The following LARP4 variants were observed in gnomAD, a reference collection of about 807,000 sequenced individuals.
LARP4 encodes the protein La ribonucleoprotein 4.
Under a neutral mutation model 92.9 loss-of-function variants are expected in LARP4, and 29 were observed. The ratio of observed to expected loss-of-function variants is 0.31; its 90% CI spans 0.23 to 0.43. The LOEUF is 0.43. Ranked by LOEUF, LARP4 falls within the 20% of genes least tolerant of loss-of-function variation. LARP4 has a pLI of 1.00. For missense variants in LARP4, 732 were observed against 860.0 expected (o/e 0.85, Z 1.86); for synonymous variants, 279 against 284.1 (o/e 0.98, Z 0.18).
chr12:50,418,389 G>A (rs971070171), intron 1 of LARP4, among the ~76,000 whole-genome samples: 1 of 152,164 alleles, frequency 6.6e-6, no homozygotes, highest in African/African-American at 2.4e-5. Flanking sequence ...TACCATAATT[G>A]TCTCAATTTT....
At position 50,427,870 on chromosome 12, in the gene LARP4, T is replaced by C. The variant is rs1322986534; in HGVS notation, c.127T>C (p.Trp43Arg). The C allele has an allele frequency of 3.1e-5, 49 of 1,601,274 alleles. No homozygotes were observed. Among genetic ancestry groups the C allele is most frequent in the Non-Finnish European group, 4.2e-5 (49 of 1,171,334 alleles). The change falls in exon 2 of 16, where the codon TGG (tryptophan) becomes CGG (arginine). Residue 43 changes from tryptophan (W) to arginine (R), a missense_variant. Physicochemically the swap from Trp to Arg is moderately radical, Grantham distance 101. This residue lies in a region of LARP4 where 236 missense variants were observed against 307.6 expected (regional missense o/e 0.77). Coordinates refer to ENST00000398473, the MANE Select transcript of LARP4 (RefSeq NM_052879.5). ...TPVTHGTESS[W>R]HEIAATSGAH... is the part of the protein sequence containing the mutation. The stretch of plus-strand genomic sequence containing the variant: ...AGTAACTCATGGAACTGAAAGCTCT[T>C]GGCATGAAATAGCAGCTACATCAGG...
rs1044365014 is a variant in LARP4, at chr12:50,478,864, A to C, written c.*3000A>C. On this transcript the variant is annotated 3_prime_UTR_variant, in exon 16 of 16. Coordinates refer to ENST00000398473, the MANE Select transcript of LARP4 (RefSeq NM_052879.5). The stretch of plus-strand genomic sequence containing the variant: ...AATTTTTTTCAGCTGGGTTTTGAGG[A>C]ATATAAGAGCTTTCAATGATAAAGG... 7 of 152,280 alleles carry C rather than the reference A, an allele frequency of 4.6e-5. No individual in the cohort carries two copies. The highest frequency in any genetic ancestry group is 3.9e-4 in the East Asian group (2 of 5,190). The allele number at this position is 152,280 out of a possible 1,614,324, so 9.4% of individuals were successfully genotyped here. A position where few individuals can be genotyped will look rare whatever the true frequency, so the allele number is the denominator to read the frequency against.
chr12:50,455,840 A>T (rs1196971684), intron 10 of LARP4, among the ~76,000 whole-genome samples: 1 of 152,164 alleles, frequency 6.6e-6, no homozygotes, highest in Non-Finnish European at 1.5e-5. Context: ...TGAGCTCAGG[A>T]GTTCAAGAGC....
At chr12:50,415,895 T>C (rs1235462396) in intron 1 of LARP4, 1 of 151,832 alleles carries the variant, frequency 6.6e-6, no homozygotes, top group Non-Finnish European at 1.5e-5. Context: ...TTGGTAGTGA[T>C]GGAGTTTTGC....
Position 50,474,294 on chromosome 12 carries a change from A to G in LARP4, c.1836+127A>G, listed in dbSNP as rs2139201213. The G allele has an allele frequency of 8.7e-6, 6 of 691,468 alleles. No individual in the cohort carries two copies. In the East Asian group the frequency reaches 1.6e-4, roughly 19 times the overall value. The allele number at this position is 691,468 out of a possible 1,614,324, so 42.8% of individuals were successfully genotyped here. ...GCCCAAGTTGGGGCTGACTATCAGA[A>G]AGAAGCTTAAGGAGTGTTAGGGTCA... On this transcript the variant is annotated intron_variant, in intron 15 of 15. Coordinates refer to ENST00000398473, the MANE Select transcript of LARP4 (RefSeq NM_052879.5).
intron 6 of LARP4, 124 bp downstream of exon 6, chr12:50,437,962 TTCA>T (rs1950676822): frequency 3.5e-6 from 2 of 565,484 alleles, no homozygotes; most frequent in Admixed American, 3.0e-5. Flanking sequence ...AGTCAGTGCC[TTCA>T]TCAGTTACTG....
At chr12:50,449,277 GT>G (rs915184396) in intron 8 of LARP4, among the ~76,000 whole-genome samples, 1 of 151,992 alleles carries the variant, frequency 6.6e-6, no homozygotes, top group African/African-American at 2.4e-5. Context: ...AAAATCTGTA[GT>G]TTTTTCCTAT....
chr12:50,422,823 T>G (rs1447399802), intron 1 of LARP4, among the ~76,000 whole-genome samples: 1 of 146,698 alleles, frequency 6.8e-6, no homozygotes, highest in Non-Finnish European at 1.5e-5. Flanking sequence ...ATTATTATTA[T>G]TATTATTATT....
At chr12:50,418,920 C>T (rs147598291) in intron 1 of LARP4, among the ~76,000 whole-genome samples, 83 of 152,158 alleles carry the variant, frequency 5.5e-4, no homozygotes, top group African/African-American at 1.9e-3. Context: ...GGTGGTCTTC[C>T]TATGTTGCCA....
rs762786792 is a variant in LARP4, at chr12:50,428,995, G to C, written c.227G>C (p.Cys76Ser). 9 of 1,609,674 alleles carry C rather than the reference G, an allele frequency of 5.6e-6. No homozygotes were observed. The highest frequency in any genetic ancestry group is 7.6e-6 in the Non-Finnish European group (9 of 1,176,828). Residue 76 changes from cysteine to serine, a missense_variant, in exon 3 of 16, where the codon TGT becomes TCT. Coordinates refer to ENST00000398473, the MANE Select transcript of LARP4 (RefSeq NM_052879.5). ...KEYEVMYSSS[C>S]ETTRNTTGIE... ...TATGAAGTAATGTATTCTTCATCTT[G>C]TGAAACCACAAGAAATACTACAGGC...
At chr12:50,440,282 A>G (rs1176026270) in intron 6 of LARP4, among the ~76,000 whole-genome samples, 157 bp from the exon 7 acceptor site, 1 of 152,200 alleles carries the variant, frequency 6.6e-6, no homozygotes, top group Non-Finnish European at 1.5e-5. Flanking sequence ...TTTGTTTTGA[A>G]ACAGCCCATC....
chr12:50,459,558 G>T (rs1046771029), intron 10 of LARP4, among the ~76,000 whole-genome samples: 1 of 151,996 alleles, frequency 6.6e-6, no homozygotes, highest in African/African-American at 2.4e-5. Context: ...GGGCCTGGTG[G>T]CTCACACCTG....
At chr12:50,458,620 T>C (rs1034300567) in intron 10 of LARP4, among the ~76,000 whole-genome samples, 1 of 152,212 alleles carries the variant, frequency 6.6e-6, no homozygotes, top group Non-Finnish European at 1.5e-5. Context: ...GAAAATAGAT[T>C]ACAAAAACTG....
chr12:50,461,077 AAG>A, intron 10 of LARP4, 56 bp from the exon 11 acceptor site: 1 of 1,429,974 alleles, frequency 7.0e-7, no homozygotes, highest in East Asian at 2.3e-5. Context: ...TACCTAAGGA[AAG>A]ATGTTTTTCT....
rs372217208 is a variant in LARP4 at position 50,462,601 on chromosome 12, C to G, written c.1354C>G (p.Arg452Gly). The change falls in exon 12 of 16, where the codon CGA (arginine) becomes GGA (glycine). Residue 452 changes from arginine (R) to glycine (G), a missense_variant. Arg to Gly is a moderately radical substitution (Grantham distance 125, BLOSUM62 -2). Transcript: ENST00000398473. The part of the protein sequence containing the change: ...GRGRRTLFRG[R>G]RRREDDRISR... ...TAAAAGGAGAACTCTCTTCAGAGGTCGAAGACGACGAGAAGATGACAGGAT... is the reference window on the plus strand; with the variant it reads ...TAAAAGGAGAACTCTCTTCAGAGGTGGAAGACGACGAGAAGATGACAGGAT... The G allele has an allele frequency of 4.6e-6, 6 of 1,296,388 alleles. No individual in the cohort carries two copies. In the African/African-American group the frequency reaches 9.8e-5, roughly 21 times the overall value. 80.3% of individuals were successfully genotyped at this position (1,296,388 alleles called of 1,614,324 possible).
chr12:50,420,487 C>T (rs1044949203), intron 1 of LARP4, among the ~76,000 whole-genome samples: 2 of 152,122 alleles, frequency 1.3e-5, no homozygotes, highest in African/African-American at 2.4e-5. Context: ...TCAGGGAGTT[C>T]AGCAGATCCC....
chr12:50,440,657 T>C (rs1951067094), intron 7 of LARP4, 108 bp downstream of exon 7: 1 of 706,920 alleles, frequency 1.4e-6, no homozygotes, highest in Non-Finnish European at 2.4e-6. Context: ...TCAAGACTAG[T>C]GAGTACCTTG....
chr12:50,463,905 G>A (rs938219592), intron 12 of LARP4, among the ~76,000 whole-genome samples: 15 of 152,062 alleles, frequency 9.9e-5, no homozygotes, highest in Admixed American at 7.9e-4. Flanking sequence ...CCTGGAGCAG[G>A]TTTCTGTCTG....
chr12:50,462,706 T>C, intron 12 of LARP4, 76 bp downstream of exon 12: 1 of 999,960 alleles, frequency 1.0e-6, no homozygotes, highest in Non-Finnish European at 1.5e-6. Flanking sequence ...CGGTCTTTCC[T>C]TTCTGGGTTT....
Sources: allele counts gnomAD v4.1 joint callset (sites outside exome capture counted in the v4.1 genomes callset), GRCh38; gene constraint gnomAD v4.1.1; regional missense constraint gnomAD v4.1.1; transcripts MANE v1.5; gene names NCBI Gene and HGNC (gene_info 2026-07-23, HGNC 2026-07-21).